CPNE4: variants seen among roughly 807,000 people sequenced by gnomAD.
The protein encoded by CPNE4 is copine 4.
Under a neutral mutation model 67.9 loss-of-function variants are expected in CPNE4, and 25 were observed. The observed-to-expected ratio is 0.37, with a 90% CI of 0.27 to 0.51. The LOEUF (loss-of-function observed/expected upper bound fraction) is 0.51. Ranked by LOEUF, CPNE4 falls within the 20% of genes least tolerant of loss-of-function variation. The pLI, the probability that CPNE4 is intolerant of heterozygous loss-of-function variation, is 0.93. For missense variants in CPNE4, 464 were observed against 690.8 expected, an observed-to-expected ratio of 0.67 and a Z score of 3.68; for synonymous variants, 242 against 244.9, an observed-to-expected ratio of 0.99 and a Z score of 0.11.
chr3:131,835,334 T>C (rs2085512758), intron 2 of CPNE4, among the ~76,000 whole-genome samples: 1 of 152,044 alleles, frequency 6.6e-6, no homozygotes, highest in African/African-American at 2.4e-5. Flanking sequence ...TTTGAGACCA[T>C]TCTGGCCAAC....
At chr3:131,781,563 G>A (rs2083432704) in intron 2 of CPNE4, among the ~76,000 whole-genome samples, 1 of 152,100 alleles carries the variant, frequency 6.6e-6, no homozygotes, top group South Asian at 2.1e-4. Flanking sequence ...CTGAAATTTA[G>A]TGTTTGCAGC....
At chr3:131,744,377 CTT>C (rs1243484366) in intron 2 of CPNE4, among the ~76,000 whole-genome samples, 9 of 137,908 alleles carry the variant, frequency 6.5e-5, no homozygotes, top group Non-Finnish European at 1.1e-4. Flanking sequence ...TTTAGTGAAA[CTT>C]TTTATTTTGT....
intron 10 of CPNE4, among the ~76,000 whole-genome samples, chr3:131,569,776 C>T (rs1382832059): frequency 2.0e-5 from 3 of 151,478 alleles, no homozygotes; most frequent in Admixed American, 2.0e-4. Context: ...GAAGGTCAGT[C>T]TGGGAGAAGT....
intron 2 of CPNE4, among the ~76,000 whole-genome samples, chr3:131,900,840 TACCAACAA>T: frequency 6.6e-6 from 1 of 152,234 alleles, no homozygotes; most frequent in South Asian, 2.1e-4. Flanking sequence ...TAACAATAAT[TACCAACAA>T]CTCACCAAAG....
At chr3:131,963,549 G>GT (rs1202062943) in intron 1 of CPNE4, among the ~76,000 whole-genome samples, 1 of 152,174 alleles carries the variant, frequency 6.6e-6, no homozygotes, top group Admixed American at 6.5e-5. Flanking sequence ...CTTGAGCTTG[G>GT]TAGGGGGAGG....
intron 6 of CPNE4, among the ~76,000 whole-genome samples, chr3:131,677,320 G>C (rs886335961): frequency 6.6e-6 from 1 of 151,384 alleles, no homozygotes; most frequent in Non-Finnish European, 1.5e-5. Context: ...CCTTATAGAC[G>C]CTGGATATTA....
intron 1 of CPNE4, among the ~76,000 whole-genome samples, chr3:131,990,322 T>C (rs1160615559): frequency 7.3e-6 from 1 of 136,696 alleles, no homozygotes; most frequent in African/African-American, 2.5e-5. Context: ...AAATTATTGG[T>C]TCAAGGACTG....
intron 1 of CPNE4, among the ~76,000 whole-genome samples, chr3:132,031,414 G>T (rs762969806): frequency 2.0e-5 from 3 of 152,074 alleles, no homozygotes; most frequent in Non-Finnish European, 2.9e-5. Context: ...CAAAGTGCAC[G>T]GAATACAGAT....
intron 3 of CPNE4, among the ~76,000 whole-genome samples, chr3:131,717,998 T>TCC (rs2081778994): frequency 1.3e-5 from 2 of 150,566 alleles, no homozygotes; most frequent in East Asian, 3.9e-4. Context: ...TCTCTCTGTC[T>TCC]CTCTCTCTTT....
chr3:131,662,846 AC>A (rs1405422515), intron 7 of CPNE4, among the ~76,000 whole-genome samples: 1 of 152,154 alleles, frequency 6.6e-6, no homozygotes. Context: ...AAATAGGAAC[AC>A]TTTTACACTG....
chr3:131,550,226 C>T (rs1433443583), intron 13 of CPNE4, 146 bp from the exon 14 acceptor site: 1 of 797,918 alleles, frequency 1.3e-6, no homozygotes, highest in Admixed American at 2.9e-5. Flanking sequence ...AGGAATACCA[C>T]ATTGCTAGTG....
At chr3:131,987,263 AAAG>A (rs2073075494) in intron 1 of CPNE4, among the ~76,000 whole-genome samples, 1 of 152,126 alleles carries the variant, frequency 6.6e-6, no homozygotes, top group African/African-American at 2.4e-5. Flanking sequence ...TATTGACTGA[AAAG>A]AAGAAGGAAA....
intron 2 of CPNE4, among the ~76,000 whole-genome samples, chr3:131,762,596 A>T (rs1913290): frequency 0.38 from 58,224 of 151,912 alleles, 11,510 homozygotes; most frequent in Middle Eastern, 0.48. Flanking sequence ...AGATTCATGG[A>T]ATTTATATCT....
At chr3:132,020,091 C>G (rs1361131271) in intron 1 of CPNE4, among the ~76,000 whole-genome samples, 2 of 141,584 alleles carry the variant, frequency 1.4e-5, no homozygotes, top group Non-Finnish European at 3.0e-5. Flanking sequence ...TTCCTCTTAC[C>G]CTTCTCTTCC....
intron 1 of CPNE4, among the ~76,000 whole-genome samples, chr3:131,927,836 T>C (rs2070940986): frequency 6.6e-6 from 1 of 152,200 alleles, no homozygotes; most frequent in Non-Finnish European, 1.5e-5. Flanking sequence ...AGCTGGATCA[T>C]GCTTGAGAGA....
chr3:131,730,415 C>T (rs2082100676), intron 2 of CPNE4, among the ~76,000 whole-genome samples: 2 of 152,162 alleles, frequency 1.3e-5, no homozygotes, highest in South Asian at 4.1e-4. Flanking sequence ...AAAGGTAAGA[C>T]TCAACTCCAG....
At chr3:131,557,498 T>C (rs1446716429) in intron 11 of CPNE4, among the ~76,000 whole-genome samples, 1 of 152,032 alleles carries the variant, frequency 6.6e-6, no homozygotes, top group Non-Finnish European at 1.5e-5. Context: ...ACATAGCCAA[T>C]TGTATCAAAT....
At chr3:131,607,867 C>A (rs1939595741) in intron 7 of CPNE4, among the ~76,000 whole-genome samples, 1 of 152,146 alleles carries the variant, frequency 6.6e-6, no homozygotes, top group African/African-American at 2.4e-5. Flanking sequence ...GGAGGTAAAC[C>A]AGCCACCAAG....
chr3:131,649,461 GT>G (rs1376849103), intron 7 of CPNE4, among the ~76,000 whole-genome samples: 1 of 152,206 alleles, frequency 6.6e-6, no homozygotes, highest in East Asian at 1.9e-4. Context: ...TGTGGAAATA[GT>G]TTTATGTTGT....
Sources: allele counts gnomAD v4.1 joint callset (sites outside exome capture counted in the v4.1 genomes callset), GRCh38; gene constraint gnomAD v4.1.1; transcripts MANE v1.5; gene names NCBI Gene and HGNC (gene_info 2026-07-23, HGNC 2026-07-21).